The following DUSP2 variants were observed in gnomAD, a reference collection of about 807,000 sequenced individuals.
DUSP2 encodes dual specificity phosphatase 2, also known as dual specificity protein phosphatase 2.
DUSP2 carries 20 observed loss-of-function variants against 23.3 expected under a neutral mutation model. That is an observed-to-expected ratio of 0.86 (90% CI 0.60 to 1.25). The LOEUF (loss-of-function observed/expected upper bound fraction) is 1.25. Among genes scored for constraint, DUSP2 ranks in the 50% most tolerant of loss-of-function variants. The probability of loss-of-function intolerance (pLI) is 0.00; values close to 1 mark genes in which losing one functional copy is unlikely to be tolerated. For missense variants in DUSP2, 435 were observed against 452.6 expected, an observed-to-expected ratio of 0.96 and a Z score of 0.35; for synonymous variants, 231 against 209.7, an observed-to-expected ratio of 1.10 and a Z score of -0.88.
intron 2 of DUSP2, 29 bp downstream of exon 2, chr2:96,144,732 A>G (rs1470686323): frequency 1.3e-6 from 2 of 1,509,584 alleles, no homozygotes; most frequent in East Asian, 2.3e-5. Flanking sequence ...GGAGAGAGGG[A>G]GGTTCGGGGG....
rs750223026 is a variant in DUSP2, at chr2:96,144,979, A to G, written c.376T>C (p.Tyr126His). Residue 126 changes from tyrosine (Y) to histidine (H), a missense_variant, in exon 1 of 4, where the codon TAC becomes CAC. Transcript: ENST00000288943. ...CCGGCTTGCTCACCTCGCAGGAAGT[A>G]CACGGCAGTGGGCCCCGCGCGGGTC... ...HETRAGPTAV[Y>H]FLRGGFDGFQ... is the part of the protein sequence containing the mutation. 2 of 1,545,746 alleles carry G rather than the reference A, an allele frequency of 1.3e-6. No individual in the cohort carries two copies. Among genetic ancestry groups the G allele is most frequent in the Admixed American group, 2.0e-5 (1 of 51,038 alleles).
At position 96,144,046 on chromosome 2, in the gene DUSP2, G is replaced by A. The variant is rs1558721180; in HGVS notation, c.731-9C>T. ...GCTGTTCTTCACCCAGTCTGCAAGG[G>A]AGATGGGGGAGTGGTGTCAGACGGA... On this transcript the variant is annotated splice_polypyrimidine_tract_variant and intron_variant, in intron 3 of 3. Transcript: ENST00000288943. The A allele has an allele frequency of 6.2e-7, 1 of 1,613,612 alleles. No homozygotes were observed.
At position 96,144,841 on chromosome 2, in the gene DUSP2, A is replaced by G; in HGVS notation, c.430T>C (p.Ser144Pro). 6.4e-7 allele frequency: 1 copy of G among 1,559,364 alleles called. No individual in the cohort carries two copies. ...GFQGCCPDLC[S>P]EAPAPALPPT... The stretch of plus-strand genomic sequence containing the variant: ...GGCAGCGCAGGGGCGGGGGCCTCAG[A>G]GCACAGATCGGGACAGCAGCCCTGG... Residue 144 changes from serine (S) to proline (P), a missense_variant, in exon 2 of 4, where the codon TCT becomes CCT. By Grantham distance (74) the Ser-to-Pro change is moderately conservative. Coordinates refer to ENST00000288943, the MANE Select transcript of DUSP2 (RefSeq NM_004418.4).
rs755424676 is a variant in DUSP2, at chr2:96,144,087, G to A, written c.731-50C>T. On this transcript the variant is annotated intron_variant, in intron 3 of 3. Coordinates refer to ENST00000288943, the MANE Select transcript of DUSP2 (RefSeq NM_004418.4). ...GTCAGACGGAATGTGCACAGCCCAGGAGACAGGTGCCCCCAGTCCTCTCCT... is the reference window on the plus strand; with the variant it reads ...GTCAGACGGAATGTGCACAGCCCAGAAGACAGGTGCCCCCAGTCCTCTCCT... The A allele has an allele frequency of 2.5e-6, 4 of 1,612,324 alleles. No homozygotes were observed. The African/African-American group carries it at 4.0e-5, about 16-fold the overall frequency.
chr2:96,144,483 A>G (rs922543482), intron 2 of DUSP2, 110 bp from the exon 3 acceptor site: 1 of 1,071,314 alleles, frequency 9.3e-7, no homozygotes, highest in African/African-American at 1.6e-5. Context: ...CTCCTCAGCC[A>G]GTCCTCCTGA....
chr2:96,145,291 G>A lies in DUSP2; in HGVS notation c.64C>T (p.Arg22Trp). 2 of 1,370,368 alleles carry A rather than the reference G, an allele frequency of 1.5e-6. No homozygotes were observed. The highest frequency in any genetic ancestry group is 2.8e-4 in the Middle Eastern group (1 of 3,574). The allele number at this position is 1,370,368 out of a possible 1,614,324, so 84.9% of individuals were successfully genotyped here. ...AALGTLLRDP[R>W]EAERTLLLDC... is the part of the protein sequence containing the mutation. ...AGCAGCAGCGTGCGTTCCGCCTCCC[G>A]CGGATCCCGCAGCAGCGTGCCCAGC... is the stretch of plus-strand genomic sequence containing the variant. The change falls in exon 1 of 4, where the codon CGG (arginine) becomes TGG (tryptophan). Residue 22 changes from arginine (R) to tryptophan (W), a missense_variant. By Grantham distance (101) the Arg-to-Trp change is moderately radical. Coordinates refer to ENST00000288943, the MANE Select transcript of DUSP2 (RefSeq NM_004418.4).
rs150034773 is a variant in DUSP2 at position 96,143,927 on chromosome 2, C to G, written c.841G>C (p.Asp281His). The G allele has an allele frequency of 1.3e-4, 203 of 1,613,836 alleles. No individual in the cohort carries two copies. The African/African-American group carries it at 2.3e-3, about 18-fold the overall frequency. Residue 281 changes from aspartate (D) to histidine (H), a missense_variant, in exon 4 of 4, where the codon GAC becomes CAC. Transcript: ENST00000288943. Reference sequence around the variant, plus strand: ...TGCTTAACGAAGTCAAAGGCCTCGTCCAGCCGCACACGGCGACTCTGCATG... The same window carrying G: ...TGCTTAACGAAGTCAAAGGCCTCGTGCAGCCGCACACGGCGACTCTGCATG... Reference protein sequence around the residue: ...YLMQSRRVRLDEAFDFVKQRR... With the variant: ...YLMQSRRVRLHEAFDFVKQRR...
In DUSP2 at chr2:96,143,722, C is replaced by T; in HGVS notation, c.*101G>A. ...CTGAAACTCTGAGGAGGTAGCAGCC[C>T]TGCCAGAGGTGAGGGGACTGTGCTG... On this transcript the variant is annotated 3_prime_UTR_variant, in exon 4 of 4. Transcript: ENST00000288943. 1.4e-6 allele frequency: 2 copies of T among 1,410,494 alleles called. No homozygotes were observed. Among genetic ancestry groups the T allele is most frequent in the Non-Finnish European group, 1.9e-6 (2 of 1,038,316 alleles). 87.4% of individuals were successfully genotyped at this position (1,410,494 alleles called of 1,614,324 possible).
Position 96,144,992 on chromosome 2 carries a change from C to G in DUSP2, c.363G>C (p.Gly121=). The change falls in exon 1 of 4, where the codon GGG becomes GGC. Residue 121 remains glycine (G), a synonymous_variant. Transcript: ENST00000288943. The part of the protein sequence containing the change: ...LAALLHETRA[G]PTAVYFLRGG... ...CTCGCAGGAAGTACACGGCAGTGGGCCCCGCGCGGGTCTCGTGCAGCAGCG... is the reference window on the plus strand; with the variant it reads ...CTCGCAGGAAGTACACGGCAGTGGGGCCCGCGCGGGTCTCGTGCAGCAGCG... 1 of 1,543,830 alleles carries G rather than the reference C, an allele frequency of 6.5e-7. No individual in the cohort carries two copies. Among genetic ancestry groups the G allele is most frequent in the Non-Finnish European group, 8.7e-7 (1 of 1,150,136 alleles).
At position 96,145,084 on chromosome 2, in the gene DUSP2, G is replaced by T; in HGVS notation, c.271C>A (p.Leu91Met). Reference sequence around the variant, plus strand: ...GCCACCGAGGCACTGCCCTCGTCCAGCACCACGGCCCGCGCCAGCTCCCCG... The same window carrying T: ...GCCACCGAGGCACTGCCCTCGTCCATCACCACGGCCCGCGCCAGCTCCCCG... ...VRGELARAVV[L>M]DEGSASVAEL... is the part of the protein sequence containing the mutation. The change falls in exon 1 of 4, where the codon CTG (leucine) becomes ATG (methionine). Residue 91 changes from leucine to methionine, a missense_variant. Coordinates refer to ENST00000288943, the MANE Select transcript of DUSP2 (RefSeq NM_004418.4). 1 of 1,481,456 alleles carries T rather than the reference G, an allele frequency of 6.8e-7. No individual in the cohort carries two copies. The highest frequency in any genetic ancestry group is 1.3e-5 in the South Asian group (1 of 76,774). 91.8% of individuals were successfully genotyped at this position (1,481,456 alleles called of 1,614,324 possible).
Position 96,145,012 on chromosome 2 carries a change from G to C in DUSP2, c.343C>G (p.Leu115Val), listed in dbSNP as rs542663886. Reference sequence around the variant, plus strand: ...GTGGGCCCCGCGCGGGTCTCGTGCAGCAGCGCGGCCAGCAGCACATGAGCC... The same window carrying C: ...GTGGGCCCCGCGCGGGTCTCGTGCACCAGCGCGGCCAGCAGCACATGAGCC... ...SPAHVLLAAL[L>V]HETRAGPTAV... Residue 115 changes from leucine to valine, a missense_variant, in exon 1 of 4, where the codon CTG (leucine) becomes GTG (valine). By Grantham distance (32) the Leu-to-Val change is conservative. Coordinates refer to ENST00000288943, the MANE Select transcript of DUSP2 (RefSeq NM_004418.4). 2 of 1,540,280 alleles carry C rather than the reference G, an allele frequency of 1.3e-6. No homozygotes were observed. Among genetic ancestry groups the C allele is most frequent in the Middle Eastern group, 1.7e-4 (1 of 5,988 alleles).
Position 96,145,138 on chromosome 2 carries a change from C to G in DUSP2, c.217G>C (p.Asp73His). 1.0e-5 allele frequency: 14 copies of G among 1,344,260 alleles called. No homozygotes were observed. Among genetic ancestry groups the G allele is most frequent in the Non-Finnish European group, 1.1e-5 (12 of 1,057,356 alleles). The allele number at this position is 1,344,260 out of a possible 1,614,324, so 83.3% of individuals were successfully genotyped here. ...ACCAGGCGCGTCCGCAGCGCGCGGT[C>G]GGGCAGCAGGCAGGCGAGAACGGCG... The part of the protein sequence containing the change: ...PAAVLACLLP[D>H]RALRTRLVRG... The change falls in exon 1 of 4, where the codon GAC (aspartate) becomes CAC (histidine). Residue 73 changes from aspartate (D) to histidine (H), a missense_variant. Coordinates refer to ENST00000288943, the MANE Select transcript of DUSP2 (RefSeq NM_004418.4).
Position 96,145,097 on chromosome 2 carries a change from C to A in DUSP2, c.258G>T (p.Ala86=). ...LRTRLVRGEL[A]RAVVLDEGSA... ...TGCCCTCGTCCAGCACCACGGCCCG[C>A]GCCAGCTCCCCGCGGACCAGGCGCG... The change falls in exon 1 of 4, where the codon GCG becomes GCT. Residue 86 remains alanine (A), a synonymous_variant. Transcript: ENST00000288943. The A allele has an allele frequency of 1.4e-6, 2 of 1,437,360 alleles. No homozygotes were observed. Among genetic ancestry groups the A allele is most frequent in the Admixed American group, 2.8e-5 (1 of 35,308 alleles). The allele number at this position is 1,437,360 out of a possible 1,614,324, so 89.0% of individuals were successfully genotyped here. A position where few individuals can be genotyped will look rare whatever the true frequency, so the allele number is the denominator to read the frequency against.
chr2:96,144,741 G>A lies in DUSP2; in HGVS notation c.510+20C>T, dbSNP rs759149005. 6.5e-6 allele frequency: 10 copies of A among 1,540,368 alleles called. No individual in the cohort carries two copies. The highest frequency in any genetic ancestry group is 6.1e-6 in the Non-Finnish European group (7 of 1,142,542). ...CGGCGGGGAGAGAGGGAGGTTCGGG[G>A]GAGGGGGGTCAATACTCACCTGGTC... On this transcript the variant is annotated intron_variant, in intron 2 of 3. Transcript: ENST00000288943.
chr2:96,144,140 A>C lies in DUSP2; in HGVS notation c.730+14T>G. 1 of 1,613,750 alleles carries C rather than the reference A, an allele frequency of 6.2e-7. No homozygotes were observed. Among genetic ancestry groups the C allele is most frequent in the East Asian group, 2.2e-5 (1 of 44,878 alleles). ...GGAGCCCCTCGGGATTTCTGGGCAG[A>C]GGTGCCCCCTTACCAATGAAGCCTA... On this transcript the variant is annotated intron_variant, in intron 3 of 3. Transcript: ENST00000288943.
Position 96,145,365 on chromosome 2 carries a change from GCCTCTT to G in DUSP2, c.-17_-12del. 7.2e-7 allele frequency: 1 copy of G among 1,395,190 alleles called. No homozygotes were observed. The highest frequency in any genetic ancestry group is 9.3e-7 in the Non-Finnish European group (1 of 1,076,840). 86.4% of individuals were successfully genotyped at this position (1,395,190 alleles called of 1,614,324 possible). A position where few individuals can be genotyped will look rare whatever the true frequency, so the allele number is the denominator to read the frequency against. ...CGCCTCCAGCCCCATGGCCACCGGT[GCCTCTT>G]CCTCTTCCTTTCGGTCTTTCCCGCG... is the stretch of plus-strand genomic sequence containing the variant. On this transcript the variant is annotated 5_prime_UTR_variant, in exon 1 of 4. Coordinates refer to ENST00000288943, the MANE Select transcript of DUSP2 (RefSeq NM_004418.4).
Position 96,144,319 on chromosome 2 carries a change from A to G in DUSP2, c.565T>C (p.Ser189Pro), listed in dbSNP as rs776753272. 3 of 1,613,824 alleles carry G rather than the reference A, an allele frequency of 1.9e-6. No homozygotes were observed. The highest frequency in any genetic ancestry group is 2.5e-6 in the Non-Finnish European group (3 of 1,180,016). Residue 189 changes from serine (S) to proline (P), a missense_variant, in exon 3 of 4, where the codon TCA becomes CCA. By Grantham distance (74) the Ser-to-Pro change is moderately conservative. Transcript: ENST00000288943. Reference protein sequence around the residue: ...YLFLGSCSHSSDLQGLQACGI... With the variant: ...YLFLGSCSHSPDLQGLQACGI... ...CAGGCCTGCAGCCCCTGCAGGTCTG[A>G]CGAGTGACTGCAGCTGCCCAGGAAC...
Position 96,144,993 on chromosome 2 carries a change from C to T in DUSP2, c.362G>A (p.Gly121Glu), listed in dbSNP as rs1242351072. ...LAALLHETRAGPTAVYFLRGG... is the reference protein window; with the variant it reads ...LAALLHETRAEPTAVYFLRGG... ...TCGCAGGAAGTACACGGCAGTGGGC[C>T]CCGCGCGGGTCTCGTGCAGCAGCGC... is the stretch of plus-strand genomic sequence containing the variant. Residue 121 changes from glycine (G) to glutamate (E), a missense_variant, in exon 1 of 4, where the codon GGG (glycine) becomes GAG (glutamate). Gly to Glu is a moderately conservative substitution (Grantham distance 98). Coordinates refer to ENST00000288943, the MANE Select transcript of DUSP2 (RefSeq NM_004418.4). 3.9e-6 allele frequency: 6 copies of T among 1,543,790 alleles called. No individual in the cohort carries two copies. Among genetic ancestry groups the T allele is most frequent in the Admixed American group, 3.9e-5 (2 of 51,054 alleles).
rs566028992 is a variant in DUSP2, at chr2:96,144,190, T to C, written c.694A>G (p.Ile232Val). 2.4e-5 allele frequency: 39 copies of C among 1,614,098 alleles called. No homozygotes were observed. In the East Asian group the frequency reaches 4.2e-4, roughly 18 times the overall value. Residue 232 changes from isoleucine to valine, a missense_variant, in exon 3 of 4, where the codon ATC becomes GTC. Ile to Val is a conservative substitution (Grantham distance 29). Coordinates refer to ENST00000288943, the MANE Select transcript of DUSP2 (RefSeq NM_004418.4). ...ATGGCCTCCTGGAACCAGGCACTGATCTCCACCATCTGGTTGTCCTCCACA... is the reference window on the plus strand; with the variant it reads ...ATGGCCTCCTGGAACCAGGCACTGACCTCCACCATCTGGTTGTCCTCCACA... ...IPVEDNQMVE[I>V]SAWFQEAIGF...
Sources: allele counts gnomAD v4.1 joint callset, GRCh38; gene constraint gnomAD v4.1.1; transcripts MANE v1.5; gene names NCBI Gene and HGNC (gene_info 2026-07-23, HGNC 2026-07-21).